LINGO2: variants seen among roughly 807,000 people sequenced by gnomAD.
LINGO2 encodes leucine rich repeat and Ig domain containing 2.
A neutral mutation model predicts 30.6 loss-of-function variants in LINGO2; 14 were observed. The ratio of observed to expected loss-of-function variants is 0.46; its 90% CI spans 0.30 to 0.72. The LOEUF (loss-of-function observed/expected upper bound fraction) is 0.72, where lower values mean the gene tolerates loss of function less well. Ranked by LOEUF, LINGO2 falls within the 30% of genes least tolerant of loss-of-function variation. LINGO2 has a pLI of 0.07. For synonymous variants in LINGO2, 317 were observed against 288.5 expected, an observed-to-expected ratio of 1.10 and a Z score of -1.00; for missense variants, 729 against 751.7, an observed-to-expected ratio of 0.97 and a Z score of 0.35.
At chr9:28,546,487 C>T (rs1821953298) in intron 1 of LINGO2, among the ~76,000 whole-genome samples, 1 of 152,012 alleles carries the variant, frequency 6.6e-6, no homozygotes, top group South Asian at 2.1e-4. Context: ...CTTAAACTCT[C>T]TGTGTAGTAT....
chr9:28,988,369 C>T, the LINGO2 span, among the ~76,000 whole-genome samples: 3 of 151,942 alleles, frequency 2.0e-5, no homozygotes, highest in Admixed American at 2.0e-4. Flanking sequence ...TTTTGCTTTC[C>T]ATTTGCATAG....
At chr9:29,039,134 T>C in the LINGO2 span, among the ~76,000 whole-genome samples, 2 of 152,242 alleles carry the variant, frequency 1.3e-5, no homozygotes, top group South Asian at 4.1e-4. Context: ...TTCTGAGAGT[T>C]TGAAAGATCT....
chr9:27,948,697 A>G, exon 6 of LINGO2: 4 of 816,414 alleles, frequency 4.9e-6, no homozygotes, highest in Non-Finnish European at 5.9e-6. Context: ...TTCGATGGAG[A>G]GTCTCCATTG....
At chr9:28,070,662 T>C (rs1043599555) in intron 4 of LINGO2, among the ~76,000 whole-genome samples, 1 of 152,170 alleles carries the variant, frequency 6.6e-6, no homozygotes, top group Non-Finnish European at 1.5e-5. Context: ...CTGTAATTAT[T>C]ATGTACTTGG....
the LINGO2 span, among the ~76,000 whole-genome samples, chr9:28,870,342 A>G: frequency 1.3e-5 from 2 of 152,040 alleles, no homozygotes; most frequent in Admixed American, 6.6e-5. Flanking sequence ...TAACCTAAAC[A>G]TATAACTTCA....
intron 5 of LINGO2, among the ~76,000 whole-genome samples, chr9:27,989,445 C>CTGTGTGTG (rs5897262): frequency 1.3e-5 from 2 of 150,390 alleles, no homozygotes; most frequent in African/African-American, 4.9e-5. Flanking sequence ...TGAATGCTCT[C>CTGTGTGTG]TGTGTGTGTG....
chr9:28,035,770 T>G (rs916599883), intron 4 of LINGO2, among the ~76,000 whole-genome samples: 1 of 151,782 alleles, frequency 6.6e-6, no homozygotes, highest in African/African-American at 2.4e-5. Flanking sequence ...TGTTATGTAT[T>G]TTATGTATTT....
chr9:28,807,503 T>C, the LINGO2 span, among the ~76,000 whole-genome samples: 3 of 152,304 alleles, frequency 2.0e-5, no homozygotes, highest in Non-Finnish European at 4.4e-5. Context: ...TTGGAGAGCA[T>C]CTGGTCTTGT....
intron 1 of LINGO2, among the ~76,000 whole-genome samples, chr9:28,507,599 G>A: frequency 6.6e-6 from 1 of 152,022 alleles, no homozygotes; most frequent in East Asian, 1.9e-4. Context: ...TAAAGAAAAA[G>A]GACTATATAT....
chr9:29,101,384 A>G, the LINGO2 span, among the ~76,000 whole-genome samples: 1 of 152,206 alleles, frequency 6.6e-6, no homozygotes, highest in East Asian at 1.9e-4. Context: ...GGAATCATAG[A>G]CATACAAATT....
intron 4 of LINGO2, among the ~76,000 whole-genome samples, chr9:28,179,536 A>G (rs1407134410): frequency 1.4e-5 from 1 of 72,130 alleles, no homozygotes; most frequent in Non-Finnish European, 2.9e-5. Context: ...TAAACTATAT[A>G]TAGTTTTTTA....
chr9:28,922,286 T>C, the LINGO2 span, among the ~76,000 whole-genome samples: 2 of 152,164 alleles, frequency 1.3e-5, no homozygotes, highest in South Asian at 2.1e-4. Context: ...GTATCACTTG[T>C]GACAGAAAGA....
chr9:28,605,020 T>C (rs1210510208), intron 1 of LINGO2, among the ~76,000 whole-genome samples: 1 of 152,008 alleles, frequency 6.6e-6, no homozygotes, highest in African/African-American at 2.4e-5. Flanking sequence ...GACTGAGGAA[T>C]AGCTAAATCT....
chr9:29,078,397 A>T, the LINGO2 span, among the ~76,000 whole-genome samples: 4 of 151,978 alleles, frequency 2.6e-5, no homozygotes, highest in Non-Finnish European at 5.9e-5. Context: ...TAAAAATCTT[A>T]TATTTCATGT....
intron 1 of LINGO2, among the ~76,000 whole-genome samples, chr9:28,483,112 G>A (rs1000139078): frequency 9.9e-5 from 15 of 152,014 alleles, no homozygotes; most frequent in African/African-American, 3.6e-4. Flanking sequence ...TCCCATTTCA[G>A]CTATACAAGT....
At chr9:28,909,335 T>G in the LINGO2 span, among the ~76,000 whole-genome samples, 1 of 151,962 alleles carries the variant, frequency 6.6e-6, no homozygotes, top group Non-Finnish European at 1.5e-5. Context: ...TCAACATAGT[T>G]GTCACTAAAG....
chr9:29,083,654 A>G, the LINGO2 span, among the ~76,000 whole-genome samples: 1 of 148,280 alleles, frequency 6.7e-6, no homozygotes, highest in Admixed American at 6.7e-5. Context: ...GAAAAAAAAA[A>G]TAGCTGGGAT....
At chr9:29,030,443 C>T in the LINGO2 span, among the ~76,000 whole-genome samples, 4 of 152,104 alleles carry the variant, frequency 2.6e-5, no homozygotes, top group South Asian at 2.1e-4. Context: ...TGTCATATTT[C>T]GGTTCCATGA....
the LINGO2 span, among the ~76,000 whole-genome samples, chr9:29,174,965 T>C: frequency 2.0e-5 from 3 of 152,184 alleles, no homozygotes; most frequent in Non-Finnish European, 4.4e-5. Context: ...GAGCCTTTCA[T>C]TAAAATAATG....
Sources: allele counts gnomAD v4.1 joint callset (sites outside exome capture counted in the v4.1 genomes callset), GRCh38; gene constraint gnomAD v4.1.1; transcripts MANE v1.5; gene names NCBI Gene and HGNC (gene_info 2026-07-23, HGNC 2026-07-21).